Variants in DCDC2 observed in about 807,000 individuals in gnomAD.
DCDC2 encodes doublecortin domain containing 2.
In DCDC2, 40 loss-of-function variants were observed where a neutral mutation model predicts 50.2. The observed-to-expected ratio is 0.80, with a 90% CI of 0.62 to 1.04. The LOEUF (loss-of-function observed/expected upper bound fraction) is 1.04, where lower values mean the gene tolerates loss of function less well. Among genes scored for constraint, DCDC2 ranks in the 50% least tolerant of loss-of-function variants. The pLI, the probability that DCDC2 is intolerant of heterozygous loss-of-function variation, is 0.00. For synonymous variants in DCDC2, 234 were observed against 210.6 expected (o/e 1.11, Z -0.96); for missense variants, 570 against 581.9 (o/e 0.98, Z 0.21).
Position 24,205,094 on chromosome 6 carries a change from T to C in DCDC2, c.931A>G (p.Ile311Val), listed in dbSNP as rs777276762. 5 of 1,614,188 alleles carry C rather than the reference T, an allele frequency of 3.1e-6. No individual in the cohort carries two copies. In the South Asian group the frequency reaches 4.4e-5, roughly 14 times the overall value. ...GACCTCTCTGCTCCAGCTTTGAAAA[T>C]GCCTTCATCTATTGAGACAAACACA... ...QETIPNSDEG[I>V]FKAGAERSET... Residue 311 changes from isoleucine (I) to valine (V), a missense_variant, in exon 8 of 10, where the codon ATT (isoleucine) becomes GTT (valine). By Grantham distance (29) the Ile-to-Val change is conservative. Transcript: ENST00000378454.
intron 8 of DCDC2, among the ~76,000 whole-genome samples, chr6:24,199,759 A>T (rs559122127): frequency 1.3e-5 from 2 of 152,342 alleles, no homozygotes; most frequent in Non-Finnish European, 2.9e-5. Flanking sequence ...GAAGCTAATA[A>T]GCTTGAAAAA....
In DCDC2 at chr6:24,178,474, G is replaced by GT. The variant is rs1561878742; in HGVS notation, c.1181dup (p.His394GlnfsTer3). 3.7e-6 allele frequency: 6 copies of GT among 1,614,154 alleles called. No homozygotes were observed. Among genetic ancestry groups the GT allele is most frequent in the Non-Finnish European group, 5.1e-6 (6 of 1,180,034 alleles). On this transcript the variant is annotated frameshift_variant, in exon 9 of 10. Transcript: ENST00000378454. LOFTEE classifies it high-confidence loss of function. Reference sequence around the variant, plus strand: ...GAGCAGGGCGTGCCTGCTGCTCACTGTGATCCAGAATCTCCTCGACTTGCT... The same window carrying GT: ...GAGCAGGGCGTGCCTGCTGCTCACTGTTGATCCAGAATCTCCTCGACTTGCT...
chr6:24,381,026 G>A, the DCDC2 span, among the ~76,000 whole-genome samples: 1 of 151,062 alleles, frequency 6.6e-6, no homozygotes, highest in African/African-American at 2.4e-5. Flanking sequence ...AGGCTTTAGC[G>A]AGCCATGATC....
chr6:24,252,270 T>A (rs983047376), intron 7 of DCDC2, among the ~76,000 whole-genome samples: 8 of 152,238 alleles, frequency 5.3e-5, no homozygotes, highest in Non-Finnish European at 8.8e-5. Flanking sequence ...CTTGTACTAC[T>A]GTTAAATCTG....
upstream of DCDC2, among the ~76,000 whole-genome samples, chr6:24,359,365 T>C (rs1274551391): frequency 1.3e-5 from 1 of 76,330 alleles, no homozygotes; most frequent in Non-Finnish European, 2.3e-5. Flanking sequence ...ATGTATATTA[T>C]ATATTATATA....
At chr6:24,296,037 A>G (rs533138415) in intron 4 of DCDC2, among the ~76,000 whole-genome samples, 1 of 152,368 alleles carries the variant, frequency 6.6e-6, no homozygotes. Context: ...AAGCAAAAAG[A>G]ACAAAGCTGG....
At chr6:24,349,906 G>A (rs1015034570) in intron 2 of DCDC2, among the ~76,000 whole-genome samples, 4 of 152,128 alleles carry the variant, frequency 2.6e-5, no homozygotes, top group Non-Finnish European at 5.9e-5. Flanking sequence ...CCCATATGGT[G>A]CCCTGACTCT....
At position 24,174,851 on chromosome 6, in the gene DCDC2, C is replaced by T. The variant is rs780946244; in HGVS notation, c.1327-17G>A. ...TACATCAGCCTAGAAGAAAATAGAT[C>T]AAAACAAAGGTATTCAGCTGTTTGG... is the stretch of plus-strand genomic sequence containing the variant. On this transcript the variant is annotated splice_polypyrimidine_tract_variant and intron_variant, in intron 9 of 9. Transcript: ENST00000378454. 6.4e-7 allele frequency: 1 copy of T among 1,563,042 alleles called. No homozygotes were observed. Among genetic ancestry groups the T allele is most frequent in the Admixed American group, 1.7e-5 (1 of 59,542 alleles).
At chr6:24,330,636 T>C (rs2127239119) in intron 2 of DCDC2, among the ~76,000 whole-genome samples, 1 of 152,288 alleles carries the variant, frequency 6.6e-6, no homozygotes, top group East Asian at 1.9e-4. Flanking sequence ...TTTCATCTCT[T>C]TCAAGATTAG....
intron 8 of DCDC2, among the ~76,000 whole-genome samples, chr6:24,183,199 G>T (rs1358284024): frequency 6.6e-6 from 1 of 152,128 alleles, no homozygotes; most frequent in Non-Finnish European, 1.5e-5. Flanking sequence ...ACGAAAAGAG[G>T]TTTGGACCTG....
At chr6:24,298,895 C>T (rs751713064) in intron 4 of DCDC2, among the ~76,000 whole-genome samples, 1 of 152,164 alleles carries the variant, frequency 6.6e-6, no homozygotes, top group Non-Finnish European at 1.5e-5. Context: ...TACAACAATT[C>T]AACTTCTAGA....
chr6:24,259,125 A>C (rs1028278927), intron 7 of DCDC2, among the ~76,000 whole-genome samples: 1 of 112,106 alleles, frequency 8.9e-6, no homozygotes, highest in Non-Finnish European at 2.2e-5. Flanking sequence ...CAAAGATACA[A>C]GACATGTGAA....
chr6:24,343,999 A>G (rs1760208777), intron 2 of DCDC2, among the ~76,000 whole-genome samples: 2 of 152,102 alleles, frequency 1.3e-5, no homozygotes, highest in African/African-American at 4.8e-5. Context: ...TCATTTAGCA[A>G]TTTTCAAATA....
chr6:24,366,393 G>A, the DCDC2 span, among the ~76,000 whole-genome samples: 44 of 152,244 alleles, frequency 2.9e-4, 1 homozygote, highest in South Asian at 3.9e-3. Flanking sequence ...AAAACTTTCA[G>A]TTTACTAGAA....
intron 7 of DCDC2, among the ~76,000 whole-genome samples, chr6:24,276,690 T>G (rs1000878788): frequency 6.6e-6 from 1 of 152,164 alleles, no homozygotes; most frequent in Non-Finnish European, 1.5e-5. Flanking sequence ...TTTCTTTTCT[T>G]TGATTCTTGT....
chr6:24,358,747 T>A (rs1425621728), upstream of DCDC2, among the ~76,000 whole-genome samples: 29 of 3,562 alleles, frequency 8.1e-3, no homozygotes, highest in Non-Finnish European at 0.017. Context: ...TATATTTTAT[T>A]TATTTATTTA....
chr6:24,190,680 C>T (rs1049272991), intron 8 of DCDC2, among the ~76,000 whole-genome samples: 5 of 152,120 alleles, frequency 3.3e-5, no homozygotes, highest in African/African-American at 7.2e-5. Context: ...AGTCTACAAA[C>T]GTGACGCCAC....
the DCDC2 span, among the ~76,000 whole-genome samples, chr6:24,370,701 C>A: frequency 6.6e-6 from 1 of 152,066 alleles, no homozygotes; most frequent in Non-Finnish European, 1.5e-5. Context: ...CAAAGAGAGA[C>A]CCTGTCTCAA....
At chr6:24,311,441 A>G (rs1225745629) in intron 2 of DCDC2, among the ~76,000 whole-genome samples, 1 of 152,236 alleles carries the variant, frequency 6.6e-6, no homozygotes, top group Non-Finnish European at 1.5e-5. Flanking sequence ...TGCTCAGTAC[A>G]TACTTTAATT....
Sources: allele counts gnomAD v4.1 joint callset (sites outside exome capture counted in the v4.1 genomes callset), GRCh38; gene constraint gnomAD v4.1.1; transcripts MANE v1.5; gene names NCBI Gene and HGNC (gene_info 2026-07-23, HGNC 2026-07-21).